ZNF469: variants seen among roughly 807,000 people sequenced by gnomAD.
ZNF469 encodes the protein zinc finger protein 469.
A neutral mutation model predicts 1.0 loss-of-function variants in ZNF469; 1 was observed. The ratio of observed to expected loss-of-function variants is 1.00; its 90% CI spans 0.35 to 4.73. The LOEUF (loss-of-function observed/expected upper bound fraction) is 4.73, where lower values mean the gene tolerates loss of function less well. Among genes scored for constraint, ZNF469 ranks in the 30% most tolerant of loss-of-function variants. ZNF469 has a pLI of 0.16. For synonymous variants in ZNF469, 2,703 were observed against 2,363.4 expected, an observed-to-expected ratio of 1.14 and a Z score of -4.17; for missense variants, 6,100 against 5,356.3, an observed-to-expected ratio of 1.14 and a Z score of -4.33.
At chr16:88,394,001 G>T (rs538581128) in intron 1 of ZNF469, among the ~76,000 whole-genome samples, 2 of 152,222 alleles carry the variant, frequency 1.3e-5, no homozygotes, top group Middle Eastern at 3.4e-3. Flanking sequence ...TCCGAGAGGA[G>T]CGGGGTTTGA....
intron 1 of ZNF469, among the ~76,000 whole-genome samples, chr16:88,384,608 T>C (rs1258227814): frequency 6.6e-6 from 1 of 151,716 alleles, no homozygotes; most frequent in Non-Finnish European, 1.5e-5. Flanking sequence ...GCCCTGCAAA[T>C]AGAAAAGAGG....
At chr16:88,322,397 G>A in the ZNF469 span, among the ~76,000 whole-genome samples, 5 of 152,236 alleles carry the variant, frequency 3.3e-5, no homozygotes, top group African/African-American at 9.6e-5. Flanking sequence ...CTGCTCTCGC[G>A]GTCTCGGGAG....
At chr16:88,409,370 C>A (rs950812122) in intron 1 of ZNF469, among the ~76,000 whole-genome samples, 1 of 152,254 alleles carries the variant, frequency 6.6e-6, no homozygotes, top group African/African-American at 2.4e-5. Flanking sequence ...CACGGCTAGA[C>A]AAACGTGAAA....
Position 88,432,481 on chromosome 16 carries a change from C to G in ZNF469, c.5011C>G (p.Leu1671Val), listed in dbSNP as rs1299131606. 2 of 1,550,400 alleles carry G rather than the reference C, an allele frequency of 1.3e-6. No homozygotes were observed. The highest frequency in any genetic ancestry group is 2.7e-5 in the African/African-American group (2 of 73,188). ...CTCCTTCCATCCGGGACATGCAGCC[C>G]TTCTCCCCTGTGCCCAGGAAGACCT... ...PASFHPGHAALLPCAQEDLVS... is the reference protein window; with the variant it reads ...PASFHPGHAAVLPCAQEDLVS... Residue 1671 changes from leucine to valine, a missense_variant, in exon 3 of 3, where the codon CTT becomes GTT. By Grantham distance (32) the Leu-to-Val change is conservative. Transcript: ENST00000565624.
Position 88,437,794 on chromosome 16 carries a change from A to C in ZNF469, c.10324A>C (p.Arg3442=). The C allele has an allele frequency of 1.3e-6, 2 of 1,545,146 alleles. No individual in the cohort carries two copies. The highest frequency in any genetic ancestry group is 1.7e-6 in the Non-Finnish European group (2 of 1,143,252). ...CGACCGCCACATGAACAAGCACCTC[A>C]GGGGGGGGCGGCAGCCCTTCGCGTT... ...QFDRHMNKHL[R]GGRQPFAFRG... The change falls in exon 3 of 3, where the codon AGG becomes CGG. Residue 3442 remains arginine (R), a synonymous_variant. Coordinates refer to ENST00000565624, the MANE Select transcript of ZNF469 (RefSeq NM_001367624.2).
At chr16:88,302,794 C>T in the ZNF469 span, among the ~76,000 whole-genome samples, 56 of 152,314 alleles carry the variant, frequency 3.7e-4, no homozygotes, top group Middle Eastern at 6.8e-3. Context: ...GGTGTCTACC[C>T]TCGCCTCACT....
At chr16:88,128,231 C>T in the ZNF469 span, among the ~76,000 whole-genome samples, 8 of 151,674 alleles carry the variant, frequency 5.3e-5, no homozygotes, top group African/African-American at 1.9e-4. Context: ...CTGAGGGCCA[C>T]GTCGCCCAGA....
At chr16:88,426,248 G>C (rs1343457383) in intron 2 of ZNF469, among the ~76,000 whole-genome samples, 1 of 152,228 alleles carries the variant, frequency 6.6e-6, no homozygotes, top group Admixed American at 6.5e-5. Flanking sequence ...CCCTGGCCAA[G>C]TCATCCGCCT....
the ZNF469 span, among the ~76,000 whole-genome samples, chr16:88,210,755 G>A: frequency 7.2e-5 from 11 of 152,246 alleles, no homozygotes; most frequent in South Asian, 1.5e-3. Flanking sequence ...GTCTATTTCC[G>A]GGTGTTCTTT....
the ZNF469 span, among the ~76,000 whole-genome samples, chr16:88,243,208 C>T: frequency 6.6e-6 from 1 of 152,182 alleles, no homozygotes; most frequent in Non-Finnish European, 1.5e-5. Context: ...TAGAATGGCA[C>T]CCACCTGAGA....
At chr16:88,103,468 G>T in the ZNF469 span, among the ~76,000 whole-genome samples, 30 of 152,236 alleles carry the variant, frequency 2.0e-4, no homozygotes, top group Non-Finnish European at 3.5e-4. Flanking sequence ...CGGGACCGGC[G>T]TGAAGACCCG....
At chr16:88,296,715 CA>C in the ZNF469 span, among the ~76,000 whole-genome samples, 1 of 151,852 alleles carries the variant, frequency 6.6e-6, no homozygotes, top group Non-Finnish European at 1.5e-5. Context: ...CATGCTCTCA[CA>C]CATTCGCCCA....
the ZNF469 span, among the ~76,000 whole-genome samples, chr16:88,303,902 C>G: frequency 6.6e-6 from 1 of 152,136 alleles, no homozygotes; most frequent in African/African-American, 2.4e-5. Flanking sequence ...ACACTCAGTG[C>G]CACTCACTCA....
the ZNF469 span, among the ~76,000 whole-genome samples, chr16:88,119,031 CTGTT>C: frequency 2.3e-3 from 347 of 152,316 alleles, 1 homozygote; most frequent in Non-Finnish European, 3.9e-3. Flanking sequence ...AACTGAGTCA[CTGTT>C]TGTTTTTGCT....
the ZNF469 span, among the ~76,000 whole-genome samples, chr16:88,371,598 A>G: frequency 6.6e-6 from 1 of 152,166 alleles, no homozygotes; most frequent in Admixed American, 6.5e-5. Context: ...AAGTCATGCT[A>G]TGGACAAAAT....
chr16:88,158,457 C>T, the ZNF469 span, among the ~76,000 whole-genome samples: 3 of 152,230 alleles, frequency 2.0e-5, no homozygotes, highest in Middle Eastern at 3.4e-3. Context: ...TGGGAGAGCT[C>T]AGGCTGGGGG....
chr16:88,303,367 C>G, the ZNF469 span, among the ~76,000 whole-genome samples: 1 of 152,220 alleles, frequency 6.6e-6, no homozygotes, highest in Non-Finnish European at 1.5e-5. Context: ...CTGCTCTGCA[C>G]CCTCGCCAGC....
chr16:88,407,306 G>A (rs549020401), intron 1 of ZNF469, among the ~76,000 whole-genome samples: 9 of 114,210 alleles, frequency 7.9e-5, no homozygotes, highest in Non-Finnish European at 9.7e-5. Flanking sequence ...CAGCACCTGC[G>A]TGCAGCTCTG....
At chr16:88,412,699 TG>T (rs1255321493) in intron 1 of ZNF469, among the ~76,000 whole-genome samples, 1 of 151,884 alleles carries the variant, frequency 6.6e-6, no homozygotes, top group East Asian at 1.9e-4. Flanking sequence ...AAAGAGCGAG[TG>T]GGTGAACGGG....
Sources: allele counts gnomAD v4.1 joint callset (sites outside exome capture counted in the v4.1 genomes callset), GRCh38; gene constraint gnomAD v4.1.1; transcripts MANE v1.5; gene names NCBI Gene and HGNC (gene_info 2026-07-23, HGNC 2026-07-21).